The following CSGALNACT1 variants were observed in gnomAD, a reference collection of about 807,000 sequenced individuals.
The protein encoded by CSGALNACT1 is chondroitin sulfate N-acetylgalactosaminyltransferase 1, also known as beta4GalNAcT-1.
CSGALNACT1 carries 52 observed loss-of-function variants against 51.0 expected under a neutral mutation model. The ratio of observed to expected loss-of-function variants is 1.02; its 90% CI spans 0.82 to 1.29. The LOEUF (loss-of-function observed/expected upper bound fraction) is 1.29. CSGALNACT1 is among the 50% of genes most tolerant of loss of function. CSGALNACT1 has a pLI of 0.00. For missense variants in CSGALNACT1, 935 were observed against 679.2 expected (o/e 1.38, Z -4.19); for synonymous variants, 341 against 254.4 (o/e 1.34, Z -3.24).
At chr8:19,404,523 G>A in exon 10 of CSGALNACT1, 1 of 453,666 alleles carries the variant, frequency 2.2e-6, no homozygotes, top group South Asian at 1.6e-5. Context: ...AAATAATTCA[G>A]TTACTTCCAC....
exon 10 of CSGALNACT1, chr8:19,405,748 A>C (rs777893668): frequency 6.2e-7 from 1 of 1,613,778 alleles, no homozygotes; most frequent in Non-Finnish European, 8.5e-7. Context: ...AAAGGAAAGA[A>C]AAAGTGTCTC....
chr8:19,571,897 C>A (rs969320598), intron 3 of CSGALNACT1, among the ~76,000 whole-genome samples: 1 of 152,158 alleles, frequency 6.6e-6, no homozygotes, highest in Non-Finnish European at 1.5e-5. Context: ...TTCTGTAGGG[C>A]CTACAAAGAT....
chr8:19,649,442 C>T (rs1010741115), intron 1 of CSGALNACT1, among the ~76,000 whole-genome samples: 1 of 152,052 alleles, frequency 6.6e-6, no homozygotes, highest in Non-Finnish European at 1.5e-5. Context: ...TTTTTTTACT[C>T]TGCCTTCTGG....
chr8:19,447,842 G>A (rs1301375422), intron 5 of CSGALNACT1, among the ~76,000 whole-genome samples: 1 of 152,214 alleles, frequency 6.6e-6, no homozygotes, highest in Non-Finnish European at 1.5e-5. Flanking sequence ...GAGTCCTAGA[G>A]AGACAAAGCT....
At chr8:19,639,789 G>A (rs1031696053) in intron 1 of CSGALNACT1, among the ~76,000 whole-genome samples, 25 of 151,948 alleles carry the variant, frequency 1.6e-4, no homozygotes, top group African/African-American at 6.0e-4. Flanking sequence ...AAAATATTAA[G>A]GAGTCTCCTG....
At chr8:19,710,781 T>C (rs1425209117) in intron 1 of CSGALNACT1, among the ~76,000 whole-genome samples, 1 of 152,196 alleles carries the variant, frequency 6.6e-6, no homozygotes, top group Non-Finnish European at 1.5e-5. Context: ...GAGGCAATGC[T>C]CCTGAAATCA....
chr8:19,620,314 CAAAAAA>C (rs35145827), intron 1 of CSGALNACT1, among the ~76,000 whole-genome samples: 1 of 64,742 alleles, frequency 1.5e-5, no homozygotes, highest in African/African-American at 6.4e-5. Context: ...GACTCTGTCT[CAAAAAA>C]AAAAAAAAAA....
intron 4 of CSGALNACT1, among the ~76,000 whole-genome samples, chr8:19,484,714 A>C (rs2072418998): frequency 1.3e-5 from 2 of 152,298 alleles, no homozygotes; most frequent in South Asian, 4.1e-4. Flanking sequence ...TCTAATCCCT[A>C]GTACCTCAGA....
intron 1 of CSGALNACT1, among the ~76,000 whole-genome samples, chr8:19,641,390 A>C (rs984066008): frequency 8.6e-5 from 13 of 152,006 alleles, no homozygotes; most frequent in Admixed American, 3.9e-4. Flanking sequence ...TGCCTCCTAA[A>C]AGAGGCTGCT....
chr8:19,653,365 C>T (rs1301631696), intron 1 of CSGALNACT1, among the ~76,000 whole-genome samples: 1 of 152,210 alleles, frequency 6.6e-6, no homozygotes, highest in African/African-American at 2.4e-5. Context: ...CCTCCTGTCT[C>T]CTTGGACACT....
At chr8:19,677,791 G>A (rs2154201651) in intron 1 of CSGALNACT1, among the ~76,000 whole-genome samples, 1 of 152,254 alleles carries the variant, frequency 6.6e-6, no homozygotes, top group South Asian at 2.1e-4. Context: ...TCTGGACTAG[G>A]GAAATAGGTA....
chr8:19,629,465 C>G (rs13264395), intron 1 of CSGALNACT1, among the ~76,000 whole-genome samples: 31,329 of 152,214 alleles, frequency 0.21, 3,980 homozygotes, highest in Admixed American at 0.31. Flanking sequence ...GATATGGAAA[C>G]TAAGCTTCAG....
intron 3 of CSGALNACT1, among the ~76,000 whole-genome samples, chr8:19,559,592 A>G (rs1399886915): frequency 1.3e-5 from 2 of 152,214 alleles, no homozygotes; most frequent in African/African-American, 4.8e-5. Flanking sequence ...CTGTTAGAAT[A>G]GTAGAGTTCA....
intron 3 of CSGALNACT1, among the ~76,000 whole-genome samples, chr8:19,509,208 A>G (rs555511408): frequency 6.6e-6 from 1 of 152,342 alleles, no homozygotes; most frequent in South Asian, 2.1e-4. Context: ...AAAACTGGTT[A>G]TACTGAAGAG....
intron 1 of CSGALNACT1, among the ~76,000 whole-genome samples, chr8:19,719,515 A>G (rs375505988): frequency 9.2e-5 from 14 of 152,212 alleles, no homozygotes; most frequent in African/African-American, 3.4e-4. Context: ...GGAATCTCCC[A>G]TCGTTTTCAG....
intron 2 of CSGALNACT1, among the ~76,000 whole-genome samples, chr8:19,601,489 T>C (rs1396982743): frequency 6.6e-6 from 1 of 152,216 alleles, no homozygotes; most frequent in African/African-American, 2.4e-5. Context: ...ATGATTGGTT[T>C]AAGTCACTTG....
At chr8:19,653,354 C>G (rs937578579) in intron 1 of CSGALNACT1, among the ~76,000 whole-genome samples, 5 of 152,206 alleles carry the variant, frequency 3.3e-5, no homozygotes, top group African/African-American at 1.2e-4. Context: ...AGAGGCCCCA[C>G]CCTCCTGTCT....
intron 4 of CSGALNACT1, among the ~76,000 whole-genome samples, chr8:19,499,222 A>C (rs2076007303): frequency 6.6e-6 from 1 of 152,246 alleles, no homozygotes; most frequent in Non-Finnish European, 1.5e-5. Flanking sequence ...GGGCTTGCGT[A>C]GATGCCCCTT....
intron 3 of CSGALNACT1, among the ~76,000 whole-genome samples, chr8:19,560,826 G>T (rs1254287781): frequency 1.3e-5 from 2 of 152,174 alleles, no homozygotes; most frequent in Admixed American, 1.3e-4. Context: ...AGGCATGCTG[G>T]TATGCACTGG....
Sources: allele counts gnomAD v4.1 joint callset (sites outside exome capture counted in the v4.1 genomes callset), GRCh38; gene constraint gnomAD v4.1.1; transcripts MANE v1.5; gene names NCBI Gene and HGNC (gene_info 2026-07-23, HGNC 2026-07-21).